Variants in RUFY3 observed in about 807,000 individuals in gnomAD.
RUFY3 encodes the protein RUN and FYVE domain containing 3.
RUFY3 carries 34 observed loss-of-function variants against 84.0 expected under a neutral mutation model. The ratio of observed to expected loss-of-function variants is 0.40; its 90% CI spans 0.31 to 0.54. The LOEUF is 0.54. Among genes scored for constraint, RUFY3 ranks in the 20% least tolerant of loss-of-function variants. The pLI is 0.39. For missense variants in RUFY3, 507 were observed against 736.8 expected (o/e 0.69, Z 3.61); for synonymous variants, 242 against 252.9 (o/e 0.96, Z 0.41).
At chr4:70,704,818 T>G (rs895883800) in exon 1 of RUFY3, 29 of 622,086 alleles carry the variant, frequency 4.7e-5, no homozygotes, top group Non-Finnish European at 6.1e-5. Flanking sequence ...AGAAGAAAGG[T>G]GGCGGTGGCG....
chr4:70,719,109 A>G (rs1741987025), upstream of RUFY3, among the ~76,000 whole-genome samples: 1 of 152,186 alleles, frequency 6.6e-6, no homozygotes, highest in African/African-American at 2.4e-5. Context: ...CTGAAGACTC[A>G]ATGGTGTTTA....
intron 12 of RUFY3, chr4:70,792,563 C>T (rs1730989940): frequency 1.0e-6 from 1 of 985,174 alleles, no homozygotes; most frequent in Admixed American, 6.2e-5. Flanking sequence ...GCCTTCATTC[C>T]TTCAAAAGGT....
chr4:70,775,068 T>G, intron 6 of RUFY3, 100 bp from the exon 7 acceptor site: 2 of 786,550 alleles, frequency 2.5e-6, no homozygotes, highest in South Asian at 3.9e-5. Flanking sequence ...TGCCACAATT[T>G]TTTTCTCATG....
intron 1 of RUFY3, among the ~76,000 whole-genome samples, chr4:70,705,782 G>GGCT (rs1258511469): frequency 6.6e-6 from 1 of 152,140 alleles, no homozygotes; most frequent in Non-Finnish European, 1.5e-5. Context: ...GAGTAGGTGT[G>GGCT]GCTGCTGCGC....
chr4:70,778,656 C>T (rs950437270), intron 8 of RUFY3, among the ~76,000 whole-genome samples: 1 of 149,912 alleles, frequency 6.7e-6, no homozygotes, highest in Non-Finnish European at 1.5e-5. Flanking sequence ...CTTGGCTCAC[C>T]GCAACCTCCG....
intron 13 of RUFY3, 61 bp from the exon 14 acceptor site, chr4:70,794,734 T>C: frequency 9.1e-7 from 1 of 1,093,064 alleles, no homozygotes; most frequent in East Asian, 2.4e-5. Flanking sequence ...TGGCATTCTT[T>C]AGAGAATATG....
chr4:70,737,576 A>AC (rs899230502), intron 1 of RUFY3, among the ~76,000 whole-genome samples: 35 of 148,892 alleles, frequency 2.4e-4, no homozygotes, highest in African/African-American at 8.5e-4. Context: ...TCATCCGCTC[A>AC]CCCCCCATCA....
intron 1 of RUFY3, among the ~76,000 whole-genome samples, chr4:70,759,655 T>C (rs1027259319): frequency 5.3e-5 from 8 of 152,168 alleles, no homozygotes; most frequent in African/African-American, 1.9e-4. Context: ...GTATAAGAAT[T>C]CCCTTTTTTC....
intron 8 of RUFY3, among the ~76,000 whole-genome samples, chr4:70,779,865 G>C (rs574604156): frequency 3.3e-5 from 5 of 152,080 alleles, no homozygotes; most frequent in African/African-American, 1.2e-4. Flanking sequence ...TAGCCACTGC[G>C]CCTGGCCCAC....
At chr4:70,721,871 C>T (rs1322984737), upstream of RUFY3, 3 of 1,230,294 alleles carry the variant, frequency 2.4e-6, no homozygotes, top group East Asian at 6.3e-5. Flanking sequence ...AGCCTAATTG[C>T]TCTCCCAGCA....
chr4:70,722,853 C>A (rs1325844788), intron 1 of RUFY3, 102 bp downstream of exon 1: 2 of 1,118,746 alleles, frequency 1.8e-6, no homozygotes, highest in Non-Finnish European at 2.6e-6. Context: ...ACACTCTCAA[C>A]TGTTAACAGT....
intron 17 of RUFY3, 86 bp from the exon 18 acceptor site, chr4:70,806,430 C>A: frequency 7.0e-7 from 1 of 1,437,694 alleles, no homozygotes. Context: ...AGGCATTGAG[C>A]ATTTGCCATA....
intron 1 of RUFY3, among the ~76,000 whole-genome samples, chr4:70,707,223 G>T (rs1346821858): frequency 6.6e-6 from 1 of 152,202 alleles, no homozygotes; most frequent in African/African-American, 2.4e-5. Context: ...TCATGAGCGT[G>T]ATCTCAGTCT....
intron 4 of RUFY3, among the ~76,000 whole-genome samples, chr4:70,766,436 G>T (rs564047924): frequency 6.6e-6 from 1 of 152,070 alleles, no homozygotes; most frequent in South Asian, 2.1e-4. Flanking sequence ...GTACAGACAG[G>T]GTTTCACCAC....
intron 1 of RUFY3, among the ~76,000 whole-genome samples, chr4:70,725,007 A>T (rs1717987156): frequency 6.6e-6 from 1 of 152,292 alleles, no homozygotes; most frequent in African/African-American, 2.4e-5. Context: ...GCTGATTCAC[A>T]GAGGGAAAAA....
chr4:70,734,289 T>C, intron 1 of RUFY3: 1 of 502,510 alleles, frequency 2.0e-6, no homozygotes, highest in South Asian at 8.5e-5. Context: ...ATTGGGATTC[T>C]CTTTTTCACA....
upstream of RUFY3, among the ~76,000 whole-genome samples, chr4:70,721,030 A>C (rs1395865278): frequency 3.9e-5 from 6 of 151,904 alleles, no homozygotes; most frequent in Admixed American, 3.9e-4. Context: ...TTTCATGCTT[A>C]AGGCTGGGCA....
chr4:70,797,362 GCA>G (rs1404893864), intron 14 of RUFY3, among the ~76,000 whole-genome samples: 2 of 152,182 alleles, frequency 1.3e-5, no homozygotes, highest in Non-Finnish European at 2.9e-5. Flanking sequence ...TGAAGTCCAT[GCA>G]CAGTCTTTTC....
chr4:70,704,987 G>A, exon 1 of RUFY3: 2 of 1,226,892 alleles, frequency 1.6e-6, no homozygotes, highest in Non-Finnish European at 2.0e-6. Flanking sequence ...GTTGCAGCGA[G>A]GAGCCGGCGA....
Sources: allele counts gnomAD v4.1 joint callset (sites outside exome capture counted in the v4.1 genomes callset), GRCh38; gene constraint gnomAD v4.1.1; transcripts MANE v1.5; gene names NCBI Gene and HGNC (gene_info 2026-07-23, HGNC 2026-07-21).